KLHDC8A: variants seen among roughly 807,000 people sequenced by gnomAD.
KLHDC8A encodes kelch domain containing 8A, also known as kelch domain-containing protein 8A.
A neutral mutation model predicts 33.1 loss-of-function variants in KLHDC8A; 21 were observed. That is an observed-to-expected ratio of 0.64 (90% CI 0.45 to 0.91). The LOEUF (loss-of-function observed/expected upper bound fraction) is 0.91, where lower values mean the gene tolerates loss of function less well. KLHDC8A is among the 40% of genes least tolerant of loss of function. The pLI, the probability that KLHDC8A is intolerant of heterozygous loss-of-function variation, is 0.00. For synonymous variants in KLHDC8A, 173 were observed against 193.5 expected, an observed-to-expected ratio of 0.89 and a Z score of 0.88; for missense variants, 435 against 483.3, an observed-to-expected ratio of 0.90 and a Z score of 0.94.
At chr1:205,346,643 C>A (rs1216238201) in intron 1 of KLHDC8A, among the ~76,000 whole-genome samples, 1 of 152,216 alleles carries the variant, frequency 6.6e-6, no homozygotes, top group Non-Finnish European at 1.5e-5. Flanking sequence ...GTTGAGGAAT[C>A]TGAGCCTTAA....
chr1:205,337,516 C>T lies in KLHDC8A; in HGVS notation c.936G>A (p.Met312Ile). 2 of 1,614,004 alleles carry T rather than the reference C, an allele frequency of 1.2e-6. No homozygotes were observed. Among genetic ancestry groups the T allele is most frequent in the Non-Finnish European group, 8.5e-7 (1 of 1,179,950 alleles). The change falls in exon 6 of 6, where the codon ATG (methionine) becomes ATA (isoleucine). Residue 312 changes from methionine to isoleucine, a missense_variant. Transcript: ENST00000367155. Reference protein sequence around the residue: ...GKNKWEILPAMPTPRCACSSI... With the variant: ...GKNKWEILPAIPTPRCACSSI... Reference sequence around the variant, plus strand: ...TGGAGCAGGCACAGCGGGGTGTGGGCATGGCAGGGAGGATCTCCCATTTGT... The same window carrying T: ...TGGAGCAGGCACAGCGGGGTGTGGGTATGGCAGGGAGGATCTCCCATTTGT...
chr1:205,351,601 T>TAAAA, intron 1 of KLHDC8A: 325 of 257,722 alleles, frequency 1.3e-3, no homozygotes, highest in Middle Eastern at 4.1e-3. Context: ...TCTGTAATAG[T>TAAAA]CAAAAAAAAA....
chr1:205,339,348 G>A lies in KLHDC8A; in HGVS notation c.603C>T (p.Ser201=). ...AGGGAATGTTGGGAAACTTGGTCCA[G>A]GAGCGAGTCTCGATGTCAAAGACCT... The part of the protein sequence containing the change: ...AFEVFDIETR[S]WTKFPNIPYK... The change falls in exon 4 of 6, where the codon TCC becomes TCT. Residue 201 remains serine (S), a synonymous_variant. Transcript: ENST00000367155. The surrounding 1 kb of genome is among the most constrained non-coding windows in gnomAD (Gnocchi z 5.1). 6.2e-7 allele frequency: 1 copy of A among 1,614,250 alleles called. No individual in the cohort carries two copies. Among genetic ancestry groups the A allele is most frequent in the Non-Finnish European group, 8.5e-7 (1 of 1,180,044 alleles).
At chr1:205,356,090 C>G (rs1857506) in intron 1 of KLHDC8A, among the ~76,000 whole-genome samples, 2 of 151,282 alleles carry the variant, frequency 1.3e-5, no homozygotes, top group African/African-American at 2.4e-5. Context: ...CCCCTCCCCC[C>G]CTCCCTCCTT....
intron 1 of KLHDC8A, chr1:205,351,532 C>A: frequency 1.6e-6 from 1 of 638,070 alleles, no homozygotes; most frequent in South Asian, 1.5e-5. Flanking sequence ...TCCTGTTTTA[C>A]TATGATGTAA....
rs1280474645 is a variant in KLHDC8A, at chr1:205,356,592, G to A, written c.-249C>T. 3 of 456,342 alleles carry A rather than the reference G, an allele frequency of 6.6e-6. No homozygotes were observed. The highest frequency in any genetic ancestry group is 3.1e-5 in the South Asian group (2 of 64,570). 28.3% of individuals were successfully genotyped at this position (456,342 alleles called of 1,614,324 possible). On this transcript the variant is annotated 5_prime_UTR_variant, in exon 1 of 6. Transcript: ENST00000367155. ...CATCTGCAAAAGACAAAGAAGGGGA[G>A]GGGCCGGGAGAGGGTCGAGCGGGTG... is the stretch of plus-strand genomic sequence containing the variant.
Position 205,343,645 on chromosome 1 carries a change from G to T in KLHDC8A, c.-41C>A. 1.3e-6 allele frequency: 2 copies of T among 1,522,054 alleles called. No individual in the cohort carries two copies. The highest frequency in any genetic ancestry group is 2.1e-5 in the Admixed American group (1 of 47,216). The allele number at this position is 1,522,054 out of a possible 1,614,324, so 94.3% of individuals were successfully genotyped here. A position where few individuals can be genotyped will look rare whatever the true frequency, so the allele number is the denominator to read the frequency against. On this transcript the variant is annotated 5_prime_UTR_variant, in exon 2 of 6. Coordinates refer to ENST00000367155, the MANE Select transcript of KLHDC8A (RefSeq NM_018203.3). The stretch of plus-strand genomic sequence containing the variant: ...CGCCCGGGCGCCGGGAGAGGTGCGA[G>T]CGCGGGGGTCCACCGGCTACTTGGC...
chr1:205,350,715 C>T (rs1419614166), intron 1 of KLHDC8A, among the ~76,000 whole-genome samples: 5 of 152,252 alleles, frequency 3.3e-5, no homozygotes, highest in East Asian at 1.9e-4. Context: ...GATTTACACA[C>T]CAGCCCTGCT....
At chr1:205,343,975 G>C (rs2102287302) in intron 1 of KLHDC8A, among the ~76,000 whole-genome samples, 182 bp from the exon 2 acceptor site, 1 of 152,234 alleles carries the variant, frequency 6.6e-6, no homozygotes, top group East Asian at 1.9e-4. Context: ...CCGCTGCTCG[G>C]ACACTGCCGA....
intron 2 of KLHDC8A, among the ~76,000 whole-genome samples, chr1:205,340,202 A>G (rs1662753909): frequency 6.6e-6 from 1 of 151,836 alleles, no homozygotes; most frequent in Non-Finnish European, 1.5e-5. Flanking sequence ...TTTTGTAGAG[A>G]CAGGGTTTTG....
chr1:205,343,131 T>C, intron 2 of KLHDC8A, 98 bp downstream of exon 2: 1 of 1,480,148 alleles, frequency 6.8e-7, no homozygotes, highest in Non-Finnish European at 9.0e-7. Context: ...GGCACTAAAC[T>C]CCACAGCCCA....
Position 205,337,041 on chromosome 1 carries a change from C to A in KLHDC8A, c.*358G>T. ...GGGAAAGACAGCAACAGCAGTCTAT[C>A]CTCTCGGTCAGAACTGCTCTACCTG... On this transcript the variant is annotated 3_prime_UTR_variant, in exon 6 of 6. Transcript: ENST00000367155. The A allele has an allele frequency of 4.0e-6, 1 of 252,744 alleles. No homozygotes were observed. Among genetic ancestry groups the A allele is most frequent in the Non-Finnish European group, 7.7e-6 (1 of 129,372 alleles). The allele number at this position is 252,744 out of a possible 1,614,324, so 15.7% of individuals were successfully genotyped here.
chr1:205,343,408 G>A lies in KLHDC8A; in HGVS notation c.197C>T (p.Pro66Leu). The A allele has an allele frequency of 1.9e-6, 3 of 1,613,216 alleles. No individual in the cohort carries two copies. Among genetic ancestry groups the A allele is most frequent in the Non-Finnish European group, 1.7e-6 (2 of 1,179,724 alleles). ...ADQWTALPRL[P>L]TARAGVAVTA... Reference sequence around the variant, plus strand: ...GACGGCCACCCCCGCCCGGGCTGTGGGCAGCCGGGGCAAGGCGGTCCACTG... The same window carrying A: ...GACGGCCACCCCCGCCCGGGCTGTGAGCAGCCGGGGCAAGGCGGTCCACTG... Residue 66 changes from proline (P) to leucine (L), a missense_variant, in exon 2 of 6, where the codon CCC becomes CTC. Coordinates refer to ENST00000367155, the MANE Select transcript of KLHDC8A (RefSeq NM_018203.3).
chr1:205,351,127 C>A, intron 1 of KLHDC8A: 1 of 656,588 alleles, frequency 1.5e-6, no homozygotes, highest in South Asian at 1.6e-5. Context: ...CCCGAAGATT[C>A]CTCTTGTTTC....
At chr1:205,353,674 C>T (rs1381257197) in intron 1 of KLHDC8A, among the ~76,000 whole-genome samples, 1 of 152,142 alleles carries the variant, frequency 6.6e-6, no homozygotes, top group Non-Finnish European at 1.5e-5. Context: ...GGACTATAGA[C>T]ACGCACCACT....
intron 2 of KLHDC8A, among the ~76,000 whole-genome samples, chr1:205,341,944 C>T (rs777023218): frequency 2.0e-5 from 3 of 152,198 alleles, no homozygotes; most frequent in East Asian, 3.9e-4. Flanking sequence ...CCACCGCGCC[C>T]GGCCAATCTT....
At chr1:205,341,636 G>GAAT (rs1662791182) in intron 2 of KLHDC8A, among the ~76,000 whole-genome samples, 1 of 144,460 alleles carries the variant, frequency 6.9e-6, no homozygotes, top group Non-Finnish European at 1.5e-5. Context: ...ACCTGTTACT[G>GAAT]AATAATCTTT....
intron 1 of KLHDC8A, among the ~76,000 whole-genome samples, chr1:205,352,117 C>G (rs918997017): frequency 6.6e-6 from 1 of 152,120 alleles, no homozygotes; most frequent in Non-Finnish European, 1.5e-5. Flanking sequence ...TCCAGAGAGC[C>G]GGGAAGTGAC....
chr1:205,346,573 G>A (rs1662953216), intron 1 of KLHDC8A, among the ~76,000 whole-genome samples: 1 of 142,544 alleles, frequency 7.0e-6, no homozygotes, highest in South Asian at 2.4e-4. Flanking sequence ...CCATTTTCTT[G>A]TAATCTTAAA....
Sources: allele counts gnomAD v4.1 joint callset (sites outside exome capture counted in the v4.1 genomes callset), GRCh38; gene constraint gnomAD v4.1.1; non-coding constraint Gnocchi (gnomAD v3.1); transcripts MANE v1.5; gene names NCBI Gene and HGNC (gene_info 2026-07-23, HGNC 2026-07-21).